ADGRV1: variants seen among roughly 807,000 people sequenced by gnomAD.
ADGRV1 encodes adhesion G protein-coupled receptor V1.
In ADGRV1, 359 loss-of-function variants were observed where a neutral mutation model predicts 596.2. The observed-to-expected ratio is 0.60, with a 90% CI of 0.55 to 0.66. The LOEUF (loss-of-function observed/expected upper bound fraction) is 0.66. ADGRV1 is among the 30% of genes least tolerant of loss of function. The probability of loss-of-function intolerance (pLI) is 0.00; values close to 1 mark genes in which losing one functional copy is unlikely to be tolerated. For synonymous variants in ADGRV1, 2,681 were observed against 2,679.2 expected (o/e 1.00, Z -0.02); for missense variants, 7,274 against 7,575.6 (o/e 0.96, Z 1.48).
intron 52 of ADGRV1, 24 bp from the exon 53 acceptor site, chr5:90,750,527 G>A: frequency 6.3e-7 from 1 of 1,582,290 alleles, no homozygotes. Flanking sequence ...GGAACCCCTT[G>A]TGACTTTCTG....
chr5:90,815,684 G>C lies in ADGRV1; in HGVS notation c.16144G>C (p.Glu5382Gln), dbSNP rs747121770. Residue 5382 changes from glutamate (E) to glutamine (Q), a missense_variant, in exon 75 of 90, where the codon GAA becomes CAA. Around this residue, in one of 5 missense-constraint regions of ADGRV1, gnomAD observed 1,874 missense variants for 1,970.2 expected, o/e 0.95. Transcript: ENST00000405460. ...GTCCCAGAGTGGACTAGAACTCAGG[G>C]AAGGAGCTGTTATGAGAAGATTGCA... ...EESQSGLELR[E>Q]GAVMRRLHLI... is the part of the protein sequence containing the mutation. 6.3e-7 allele frequency: 1 copy of C among 1,578,776 alleles called. No homozygotes were observed.
intron 79 of ADGRV1, among the ~76,000 whole-genome samples, chr5:90,851,134 T>TGAGAGAGA (rs141999531): frequency 2.0e-4 from 16 of 81,508 alleles, no homozygotes; most frequent in East Asian, 4.3e-4. Flanking sequence ...TGTGTGTGTG[T>TGAGAGAGA]GAGAGAGAGA....
At chr5:90,622,791 A>G (rs1301908720) in intron 5 of ADGRV1, 90 bp downstream of exon 5, 2 of 520,968 alleles carry the variant, frequency 3.8e-6, no homozygotes, top group Admixed American at 4.0e-5. Flanking sequence ...CCCAAGCTGG[A>G]GTGCAGTGGT....
chr5:90,916,007 T>G (rs904688573), intron 83 of ADGRV1, among the ~76,000 whole-genome samples: 1 of 152,144 alleles, frequency 6.6e-6, no homozygotes, highest in African/African-American at 2.4e-5. Flanking sequence ...AATGTTGGCC[T>G]TTCTGTAGCA....
chr5:91,148,319 G>A (rs1795729043), intron 87 of ADGRV1, among the ~76,000 whole-genome samples: 1 of 152,132 alleles, frequency 6.6e-6, no homozygotes, highest in African/African-American at 2.4e-5. Context: ...CCCATCACAG[G>A]CCCGGAGGCC....
In ADGRV1 at chr5:90,610,720, G is replaced by T. The variant is rs186988783; in HGVS notation, c.23-4115G>T. 2.6e-4 allele frequency among the ~76,000 whole-genome samples: 39 copies of T among 152,056 alleles called. 1 individual carries two copies. In the East Asian group the frequency reaches 3.7e-3, roughly 14 times the overall value. On this transcript the variant is annotated intron_variant, in intron 1 of 89. Transcript: ENST00000405460. Reference sequence around the variant, plus strand: ...TTTGCAGTATCACAAACTGGAGATTGGCGGATAAATATTGATGTTGAAAGT... The same window carrying T: ...TTTGCAGTATCACAAACTGGAGATTTGCGGATAAATATTGATGTTGAAAGT...
chr5:90,776,878 T>C (rs1002867662), intron 61 of ADGRV1, among the ~76,000 whole-genome samples: 4 of 152,144 alleles, frequency 2.6e-5, no homozygotes, highest in Admixed American at 6.6e-5. Flanking sequence ...GTTCTGTTAC[T>C]AAACATGTGA....
At chr5:90,991,007 A>G (rs1780914595) in intron 85 of ADGRV1, among the ~76,000 whole-genome samples, 1 of 152,176 alleles carries the variant, frequency 6.6e-6, no homozygotes, top group African/African-American at 2.4e-5. Context: ...AGTAAAGGGA[A>G]TGTGGTCCTG....
chr5:91,054,993 T>A (rs1786707475), intron 85 of ADGRV1, among the ~76,000 whole-genome samples: 1 of 152,224 alleles, frequency 6.6e-6, no homozygotes, highest in African/African-American at 2.4e-5. Context: ...TCTGTGATTT[T>A]ACACGTAGGA....
At chr5:90,686,686 T>C (rs889507528) in intron 29 of ADGRV1, among the ~76,000 whole-genome samples, 2 of 152,230 alleles carry the variant, frequency 1.3e-5, no homozygotes, top group African/African-American at 4.8e-5. Flanking sequence ...CGTGTGCATG[T>C]GTCTTTATAG....
chr5:91,042,602 G>A (rs1458113265), intron 85 of ADGRV1, among the ~76,000 whole-genome samples: 3 of 151,980 alleles, frequency 2.0e-5, no homozygotes, highest in Non-Finnish European at 2.9e-5. Context: ...TTGTTACATA[G>A]GTGTACACGT....
intron 77 of ADGRV1, among the ~76,000 whole-genome samples, chr5:90,833,306 A>G (rs1347282346): frequency 6.6e-6 from 1 of 151,898 alleles, no homozygotes; most frequent in Non-Finnish European, 1.5e-5. Context: ...GTTTTTTGAG[A>G]TAGGGTCTTG....
At chr5:91,024,681 CAG>C (rs1241301026) in intron 85 of ADGRV1, among the ~76,000 whole-genome samples, 2 of 152,110 alleles carry the variant, frequency 1.3e-5, no homozygotes, top group Non-Finnish European at 2.9e-5. Context: ...TTTGTTCTCT[CAG>C]AATACAAACT....
At chr5:90,750,861 G>T (rs1435856455) in intron 53 of ADGRV1, among the ~76,000 whole-genome samples, 164 bp downstream of exon 53, 1 of 152,096 alleles carries the variant, frequency 6.6e-6, no homozygotes, top group Non-Finnish European at 1.5e-5. Flanking sequence ...TTAGTTTTCT[G>T]GTTGTGGGTA....
At chr5:90,580,350 C>T (rs978100721) in intron 1 of ADGRV1, among the ~76,000 whole-genome samples, 3 of 151,676 alleles carry the variant, frequency 2.0e-5, no homozygotes, top group African/African-American at 7.3e-5. Context: ...GTAAAACTTC[C>T]TGTTGGGGAA....
chr5:90,889,159 C>T (rs758298425), intron 83 of ADGRV1, among the ~76,000 whole-genome samples: 1 of 146,606 alleles, frequency 6.8e-6, no homozygotes. Context: ...ATTTAATATA[C>T]CCCCACTTGT....
chr5:90,781,612 A>G, intron 65 of ADGRV1, 34 bp downstream of exon 65: 4 of 1,566,926 alleles, frequency 2.6e-6, no homozygotes, highest in Non-Finnish European at 3.5e-6. Flanking sequence ...AAGTAAGTTT[A>G]CTACCACTTT....
chr5:90,818,771 A>C, intron 75 of ADGRV1, among the ~76,000 whole-genome samples: 1 of 151,394 alleles, frequency 6.6e-6, no homozygotes, highest in East Asian at 1.9e-4. Context: ...AAGCCCACTT[A>C]ATCATGGTGG....
intron 83 of ADGRV1, among the ~76,000 whole-genome samples, chr5:90,921,363 T>G (rs760421796): frequency 5.3e-5 from 8 of 152,184 alleles, no homozygotes; most frequent in Non-Finnish European, 1.2e-4. Context: ...GGGGGTCTTG[T>G]AATTGACTGC....
Sources: allele counts gnomAD v4.1 joint callset (sites outside exome capture counted in the v4.1 genomes callset), GRCh38; gene constraint gnomAD v4.1.1; regional missense constraint gnomAD v4.1.1; transcripts MANE v1.5; gene names NCBI Gene and HGNC (gene_info 2026-07-23, HGNC 2026-07-21).